Variants in OTOGL observed in about 807,000 individuals in gnomAD.
The protein encoded by OTOGL is otogelin-like protein.
In OTOGL, 285 loss-of-function variants were observed where a neutral mutation model predicts 318.5. That is an observed-to-expected ratio of 0.89 (90% CI 0.81 to 0.99). The LOEUF is 0.99. Among genes scored for constraint, OTOGL ranks in the 50% least tolerant of loss-of-function variants. OTOGL has a pLI of 0.00. For missense variants in OTOGL, 2,899 were observed against 2,845.6 expected (o/e 1.02, Z -0.43); for synonymous variants, 987 against 936.5 (o/e 1.05, Z -0.99).
rs1881750442 is a variant in OTOGL at position 80,253,469 on chromosome 12, T to G, written c.1289T>G (p.Leu430Arg). 1.9e-6 allele frequency: 3 copies of G among 1,611,260 alleles called. No homozygotes were observed. The highest frequency in any genetic ancestry group is 2.5e-6 in the Non-Finnish European group (3 of 1,177,572). ...CLDGCYCPDG[L>R]VMDNGTCISL... ...ATGTGTATTTCTTCTCAATTAGGCCTCGTAATGGACAATGGGACTTGCATC... is the reference window on the plus strand; with the variant it reads ...ATGTGTATTTCTTCTCAATTAGGCCGCGTAATGGACAATGGGACTTGCATC... Residue 430 changes from leucine to arginine, a missense_variant, in exon 14 of 59, where the codon CTC (leucine) becomes CGC (arginine). Transcript: ENST00000547103.
intron 1 of OTOGL, among the ~76,000 whole-genome samples, chr12:80,125,263 G>T (rs1870751146): frequency 6.6e-6 from 1 of 152,086 alleles, no homozygotes; most frequent in Admixed American, 6.5e-5. Flanking sequence ...GTTGAATTTT[G>T]TCAAAGGCCT....
intron 24 of OTOGL, among the ~76,000 whole-genome samples, chr12:80,272,743 C>A (rs1883511877): frequency 6.6e-6 from 1 of 152,020 alleles, no homozygotes; most frequent in South Asian, 2.1e-4. Context: ...TCTAAATGGC[C>A]CCCATCTGGA....
At chr12:80,201,363 T>A (rs146999130) in intron 1 of OTOGL, among the ~76,000 whole-genome samples, 8 of 152,008 alleles carry the variant, frequency 5.3e-5, no homozygotes, top group Admixed American at 4.6e-4. Flanking sequence ...CCAATCATGG[T>A]GGAAGGTGTA....
chr12:80,156,240 C>G (rs983583511), intron 1 of OTOGL, among the ~76,000 whole-genome samples: 2 of 152,174 alleles, frequency 1.3e-5, no homozygotes, highest in African/African-American at 4.8e-5. Context: ...GTTTAGTTTT[C>G]TCGTCTACAT....
intron 1 of OTOGL, among the ~76,000 whole-genome samples, chr12:80,162,663 T>C (rs1295962089): frequency 1.3e-5 from 2 of 152,068 alleles, no homozygotes; most frequent in Non-Finnish European, 2.9e-5. Context: ...CCTGGGTACA[T>C]GTCTGTCTCT....
intron 1 of OTOGL, among the ~76,000 whole-genome samples, chr12:80,142,805 A>G (rs1179809399): frequency 6.6e-6 from 1 of 152,154 alleles, no homozygotes; most frequent in Non-Finnish European, 1.5e-5. Context: ...ACCAGAAGCT[A>G]GAGGTGAATG....
chr12:80,247,177 G>T (rs1450443845), intron 11 of OTOGL, among the ~76,000 whole-genome samples: 2 of 147,592 alleles, frequency 1.4e-5, no homozygotes, highest in Non-Finnish European at 3.0e-5. Flanking sequence ...GTTCTGCTCT[G>T]ATTTTAGTTA....
rs554291413 is a variant in OTOGL at position 80,270,656 on chromosome 12, C to G, written c.2518+502C>G. ...AACATTAATACTTCTGGTTCCTGGG[C>G]TGCATTATGAGTAGCATGGCTCTGG... is the stretch of plus-strand genomic sequence containing the variant. On this transcript the variant is annotated intron_variant, in intron 23 of 58. Coordinates refer to ENST00000547103, the MANE Select transcript of OTOGL (RefSeq NM_001378609.3). 1.7e-3 allele frequency among the ~76,000 whole-genome samples: 259 copies of G among 152,208 alleles called. 1 individual carries two copies. Among genetic ancestry groups the G allele is most frequent in the African/African-American group, 5.9e-3 (246 of 41,528 alleles).
intron 1 of OTOGL, among the ~76,000 whole-genome samples, chr12:80,108,965 T>C (rs899196360): frequency 5.4e-4 from 73 of 136,080 alleles, no homozygotes; most frequent in Middle Eastern, 4.0e-3. Flanking sequence ...CACACACACA[T>C]ATATAATTTA....
chr12:80,103,756 G>A (rs566313501), intron 1 of OTOGL, among the ~76,000 whole-genome samples: 12 of 152,206 alleles, frequency 7.9e-5, no homozygotes, highest in Admixed American at 5.2e-4. Context: ...TGGAAATACC[G>A]CTAGTATTAT....
At chr12:80,354,847 C>T (rs1419458222) in intron 46 of OTOGL, among the ~76,000 whole-genome samples, 1 of 152,046 alleles carries the variant, frequency 6.6e-6, no homozygotes, top group Non-Finnish European at 1.5e-5. Context: ...AAAAGAACTA[C>T]TAGATGGTCA....
intron 26 of OTOGL, among the ~76,000 whole-genome samples, chr12:80,293,916 C>A (rs1313601609): frequency 6.6e-6 from 1 of 152,086 alleles, no homozygotes; most frequent in African/African-American, 2.4e-5. Context: ...GATAATTACC[C>A]TTAAAAGGGG....
At chr12:80,159,767 A>T (rs1361664424) in intron 1 of OTOGL, among the ~76,000 whole-genome samples, 1 of 152,146 alleles carries the variant, frequency 6.6e-6, no homozygotes, top group Non-Finnish European at 1.5e-5. Flanking sequence ...TTCATATGGA[A>T]CCAAACAAAA....
intron 1 of OTOGL, among the ~76,000 whole-genome samples, chr12:80,157,500 C>T (rs143225187): frequency 1.1e-4 from 17 of 152,156 alleles, no homozygotes; most frequent in African/African-American, 3.6e-4. Flanking sequence ...ACATTTTTGC[C>T]GAGACCAAAG....
At chr12:80,368,392 A>G in intron 55 of OTOGL, 83 bp downstream of exon 55, 1 of 438,568 alleles carries the variant, frequency 2.3e-6, no homozygotes, top group Non-Finnish European at 4.0e-6. Flanking sequence ...GTCCCCCCCC[A>G]CACACACTGC....
At chr12:80,226,273 A>G (rs956920608) in intron 7 of OTOGL, among the ~76,000 whole-genome samples, 3 of 150,622 alleles carry the variant, frequency 2.0e-5, no homozygotes, top group Admixed American at 6.7e-5. Flanking sequence ...TGGTTAAATA[A>G]TTTATATTTT....
At chr12:80,249,652 A>G (rs992332428) in intron 11 of OTOGL, among the ~76,000 whole-genome samples, 28 of 152,292 alleles carry the variant, frequency 1.8e-4, no homozygotes, top group Admixed American at 1.5e-3. Context: ...GGTGGAGCCT[A>G]CAGAGGCAGG....
At chr12:80,261,742 A>C (rs1405735266) in intron 18 of OTOGL, among the ~76,000 whole-genome samples, 1 of 152,188 alleles carries the variant, frequency 6.6e-6, no homozygotes, top group Non-Finnish European at 1.5e-5. Flanking sequence ...TATAAGTTTG[A>C]GATGAAGATT....
chr12:80,295,464 A>G (rs1387377660), intron 26 of OTOGL, among the ~76,000 whole-genome samples: 1 of 152,160 alleles, frequency 6.6e-6, no homozygotes, highest in Non-Finnish European at 1.5e-5. Context: ...GGCGTGAGCC[A>G]CCGCGTCTGG....
Sources: gnomAD v4.1 joint callset for allele counts (sites outside exome capture counted in the v4.1 genomes callset) on GRCh38, gnomAD v4.1.1 for gene constraint, MANE v1.5 for transcripts, NCBI Gene and HGNC (gene_info 2026-07-23, HGNC 2026-07-21) for gene names.